The following LAMA3 variants were observed in gnomAD, a reference collection of about 807,000 sequenced individuals.
The protein encoded by LAMA3 is laminin subunit alpha-3.
Under a neutral mutation model 402.0 loss-of-function variants are expected in LAMA3, and 281 were observed. That is an observed-to-expected ratio of 0.70 (90% CI 0.63 to 0.77). The LOEUF (loss-of-function observed/expected upper bound fraction) is 0.77, where lower values mean the gene tolerates loss of function less well. LAMA3 is among the 30% of genes least tolerant of loss of function. The probability of loss-of-function intolerance (pLI) is 0.00; values close to 1 mark genes in which losing one functional copy is unlikely to be tolerated. For synonymous variants in LAMA3, 1,431 were observed against 1,558.4 expected (o/e 0.92, Z 1.93); for missense variants, 3,840 against 4,215.5 (o/e 0.91, Z 2.47).
intron 36 of LAMA3, among the ~76,000 whole-genome samples, chr18:23,865,455 T>C (rs1317822993): frequency 6.6e-6 from 1 of 152,190 alleles, no homozygotes; most frequent in Non-Finnish European, 1.5e-5. Context: ...GCATTTTTTA[T>C]GTTTCTATCT....
intron 38 of LAMA3, among the ~76,000 whole-genome samples, chr18:23,873,585 G>C (rs551331821): frequency 6.6e-6 from 1 of 152,330 alleles, no homozygotes; most frequent in Admixed American, 6.5e-5. Flanking sequence ...CCACGGGGGG[G>C]AGAAAATGGG....
Position 23,939,284 on chromosome 18 carries a change from C to T in LAMA3, c.8924C>T (p.Ser2975Leu). 1.2e-6 allele frequency: 2 copies of T among 1,614,188 alleles called. No individual in the cohort carries two copies. Among genetic ancestry groups the T allele is most frequent in the Non-Finnish European group, 1.7e-6 (2 of 1,180,014 alleles). The change falls in exon 68 of 75, where the codon TCA becomes TTA. Residue 2975 changes from serine to leucine, a missense_variant. By Grantham distance (145) the Ser-to-Leu change is moderately radical. Coordinates refer to ENST00000313654, the MANE Select transcript of LAMA3 (RefSeq NM_198129.4). The stretch of plus-strand genomic sequence containing the variant: ...GTGAAGGTGTGGCAAGATGCTTGCT[C>T]ACCACTTCCCAAGACCCAGGCCAAT... ...RSVKVWQDAC[S>L]PLPKTQANHG... is the part of the protein sequence containing the mutation.
chr18:23,890,848 GGTATTT>G (rs1192422566), intron 42 of LAMA3, among the ~76,000 whole-genome samples: 2 of 152,110 alleles, frequency 1.3e-5, no homozygotes, highest in African/African-American at 2.4e-5. Flanking sequence ...TCTAGAATGG[GGTATTT>G]ATTGTCATGC....
At chr18:23,837,556 C>A (rs2063608282) in intron 25 of LAMA3, among the ~76,000 whole-genome samples, 2 of 48,358 alleles carry the variant, frequency 4.1e-5, no homozygotes, top group African/African-American at 8.1e-5. Context: ...AAAAGAATAT[C>A]ATTCAGTTAA....
chr18:23,919,606 G>A (rs1219685044), intron 60 of LAMA3, among the ~76,000 whole-genome samples: 1 of 152,180 alleles, frequency 6.6e-6, no homozygotes, highest in African/African-American at 2.4e-5. Context: ...GAGATCAGGA[G>A]GACAGCATTT....
chr18:23,848,742 C>T (rs562680116), intron 32 of LAMA3, among the ~76,000 whole-genome samples: 1 of 152,294 alleles, frequency 6.6e-6, no homozygotes, highest in African/African-American at 2.4e-5. Flanking sequence ...ACAAACAACG[C>T]TAAAATAACA....
chr18:23,850,370 G>A (rs1440222319), intron 32 of LAMA3, among the ~76,000 whole-genome samples: 1 of 152,216 alleles, frequency 6.6e-6, no homozygotes, highest in African/African-American at 2.4e-5. Flanking sequence ...TCAACCTGGT[G>A]TTGTAGTTTT....
intron 13 of LAMA3, 64 bp downstream of exon 13, chr18:23,810,567 C>A: frequency 6.3e-7 from 1 of 1,586,542 alleles, no homozygotes; most frequent in South Asian, 1.1e-5. Flanking sequence ...GCCAGCCTCC[C>A]AGAGAAGCCT....
Position 23,723,749 on chromosome 18 carries a change from G to C in LAMA3, c.447+9677G>C, listed in dbSNP as rs115352594. ...GTCAGTATCTTCATCTGAAATCCAG[G>C]GATAAATCTAGTACCAACCTAGGAG... On this transcript the variant is annotated intron_variant, in intron 2 of 74. Transcript: ENST00000313654. Among the ~76,000 whole-genome samples the C allele has an allele frequency of 5.3e-3, 809 of 151,678 alleles. 10 individuals are homozygous for C. The highest frequency in any genetic ancestry group is 0.018 in the African/African-American group (741 of 41,340).
chr18:23,757,801 G>A (rs187759257), intron 6 of LAMA3, among the ~76,000 whole-genome samples: 1 of 152,372 alleles, frequency 6.6e-6, no homozygotes, highest in Admixed American at 6.5e-5. Flanking sequence ...TAAGGCAGAT[G>A]TACACCCTTT....
chr18:23,850,828 G>T (rs1218179332), intron 32 of LAMA3, among the ~76,000 whole-genome samples: 2 of 152,242 alleles, frequency 1.3e-5, no homozygotes, highest in African/African-American at 4.8e-5. Context: ...TGTGTCAGAC[G>T]TGAGGAAGCT....
intron 12 of LAMA3, among the ~76,000 whole-genome samples, chr18:23,789,987 G>A (rs899896939): frequency 6.6e-6 from 1 of 152,200 alleles, no homozygotes; most frequent in South Asian, 2.1e-4. Flanking sequence ...ATCACATAAT[G>A]TGCATTTGAA....
chr18:23,897,911 T>C (rs1484411631), intron 44 of LAMA3, among the ~76,000 whole-genome samples: 2 of 152,168 alleles, frequency 1.3e-5, no homozygotes, highest in African/African-American at 4.8e-5. Flanking sequence ...AATTTACTAA[T>C]GGAAGAGCAA....
chr18:23,821,576 C>T (rs1016572943), intron 19 of LAMA3, among the ~76,000 whole-genome samples: 5 of 152,232 alleles, frequency 3.3e-5, no homozygotes, highest in African/African-American at 1.2e-4. Context: ...CTACTCTTTC[C>T]TTCAAGGGTC....
chr18:23,775,801 G>C lies in LAMA3; in HGVS notation c.1283G>C (p.Cys428Ser), dbSNP rs180795245. Residue 428 changes from cysteine (C) to serine (S), a missense_variant, in exon 10 of 75, where the codon TGT (cysteine) becomes TCT (serine). Around this residue, in one of 3 missense-constraint regions of LAMA3, gnomAD observed 2,109 missense variants for 2,376.0 expected, o/e 0.89. Transcript: ENST00000313654. ...CTGGGATTTCTCTTAGCCTGCAGCTGTGACCCTGAGCATGCGGATGGCTGT... is the reference window on the plus strand; with the variant it reads ...CTGGGATTTCTCTTAGCCTGCAGCTCTGACCCTGAGCATGCGGATGGCTGT... ...DAPDGCIPCS[C>S]DPEHADGCEQ... 263 of 1,614,024 alleles carry C rather than the reference G, an allele frequency of 1.6e-4. 1 individual carries two copies. In the African/African-American group the frequency reaches 2.9e-3, roughly 18 times the overall value.
At chr18:23,928,439 C>A (rs936913653) in intron 63 of LAMA3, among the ~76,000 whole-genome samples, 186 bp from the exon 64 acceptor site, 2 of 152,200 alleles carry the variant, frequency 1.3e-5, no homozygotes, top group Admixed American at 1.3e-4. Context: ...AGTAGGAAGA[C>A]CAACTATATA....
intron 52 of LAMA3, among the ~76,000 whole-genome samples, chr18:23,907,229 A>T (rs2081281039): frequency 6.6e-6 from 1 of 152,248 alleles, no homozygotes; most frequent in Non-Finnish European, 1.5e-5. Context: ...AGTGGATAAG[A>T]CAGATGCATC....
chr18:23,856,809 A>G (rs1478464789), intron 32 of LAMA3, among the ~76,000 whole-genome samples: 1 of 152,088 alleles, frequency 6.6e-6, no homozygotes, highest in East Asian at 1.9e-4. Flanking sequence ...CTCATCCAGA[A>G]TCTTACAGTT....
intron 60 of LAMA3, 46 bp from the exon 61 acceptor site, chr18:23,920,889 T>C: frequency 6.2e-7 from 1 of 1,612,050 alleles, no homozygotes; most frequent in Non-Finnish European, 8.5e-7. Context: ...CTCTGCCTCT[T>C]CTTCAGCCAA....
Sources: gnomAD v4.1 joint callset for allele counts (sites outside exome capture counted in the v4.1 genomes callset) on GRCh38, gnomAD v4.1.1 for gene constraint, gnomAD v4.1.1 regional missense constraint, MANE v1.5 for transcripts, NCBI Gene and HGNC (gene_info 2026-07-23, HGNC 2026-07-21) for gene names.